FCHO1: variants seen among roughly 807,000 people sequenced by gnomAD.
The protein encoded by FCHO1 is FCH and mu domain containing endocytic adaptor 1, also known as F-BAR domain only protein 1.
A neutral mutation model predicts 114.4 loss-of-function variants in FCHO1; 45 were observed. The ratio of observed to expected loss-of-function variants is 0.39; its 90% CI spans 0.31 to 0.50. FCHO1 has a LOEUF of 0.50. FCHO1 is among the 20% of genes least tolerant of loss of function. FCHO1 has a pLI of 0.77. For synonymous variants in FCHO1, 480 were observed against 488.9 expected (o/e 0.98, Z 0.24); for missense variants, 1,042 against 1,209.6 (o/e 0.86, Z 2.06).
At chr19:17,766,901 C>A in intron 7 of FCHO1, 91 bp downstream of exon 7, 1 of 1,321,408 alleles carries the variant, frequency 7.6e-7, no homozygotes, top group Non-Finnish European at 1.0e-6. Flanking sequence ...TTATAACCTG[C>A]GGATGTCCGC....
chr19:17,765,975 G>A (rs1345963112), intron 6 of FCHO1, among the ~76,000 whole-genome samples: 5 of 127,550 alleles, frequency 3.9e-5, no homozygotes, highest in Non-Finnish European at 6.3e-5. Flanking sequence ...TGCAAGCTCC[G>A]CCTCCTGGGT....
At chr19:17,780,553 G>A (rs1192213470) in intron 20 of FCHO1, among the ~76,000 whole-genome samples, 2 of 152,150 alleles carry the variant, frequency 1.3e-5, no homozygotes, top group Non-Finnish European at 2.9e-5. Context: ...TCACCACCAG[G>A]CAGGAGTGGT....
rs138999727 is a variant in FCHO1 at position 17,764,283 on chromosome 19, C to T, written c.120-92C>T. 1,710 of 1,298,788 alleles carry T rather than the reference C, an allele frequency of 1.3e-3. 11 individuals carry two copies. In the African/African-American group the frequency reaches 0.022, roughly 16 times the overall value. 80.5% of individuals were successfully genotyped at this position (1,298,788 alleles called of 1,614,324 possible). On this transcript the variant is annotated intron_variant, in intron 5 of 28. Coordinates refer to ENST00000596536, the MANE Select transcript of FCHO1 (RefSeq NM_015122.3). Reference sequence around the variant, plus strand: ...CTTGAACTCCTAACCTCAGGTGATCCGTCCGCCTCGGCCTCCCAGAGTGCT... The same window carrying T: ...CTTGAACTCCTAACCTCAGGTGATCTGTCCGCCTCGGCCTCCCAGAGTGCT...
intron 7 of FCHO1, among the ~76,000 whole-genome samples, chr19:17,769,797 C>T (rs1295747663): frequency 6.6e-6 from 1 of 152,146 alleles, no homozygotes; most frequent in African/African-American, 2.4e-5. Flanking sequence ...TCCTGGCTTA[C>T]CTCTTACAAC....
At chr19:17,780,136 C>A (rs976034121) in intron 20 of FCHO1, among the ~76,000 whole-genome samples, 5 of 151,096 alleles carry the variant, frequency 3.3e-5, no homozygotes, top group African/African-American at 1.2e-4. Flanking sequence ...TGGGTGGAGA[C>A]CACAGAGTGG....
intron 20 of FCHO1, 56 bp from the exon 21 acceptor site, chr19:17,781,175 A>C: frequency 7.9e-7 from 1 of 1,268,572 alleles, no homozygotes; most frequent in Non-Finnish European, 1.1e-6. Context: ...GCCCCTGGGG[A>C]GGCCCCAGAG....
rs369971263 is a variant in FCHO1, at chr19:17,770,788, G to T, written c.490-4G>T. 1.5e-5 allele frequency: 25 copies of T among 1,613,924 alleles called. No homozygotes were observed. The highest frequency in any genetic ancestry group is 2.0e-5 in the Non-Finnish European group (24 of 1,180,022). ...CATCCCCGTTTCCTCCCTGTGCTTT[G>T]TAGGCGGAGACTAAAACCAAGAAGG... On this transcript the variant is annotated splice_polypyrimidine_tract_variant and splice_region_variant and intron_variant, in intron 8 of 28. Coordinates refer to ENST00000596536, the MANE Select transcript of FCHO1 (RefSeq NM_015122.3).
chr19:17,749,077 C>A (rs1349603826), upstream of FCHO1, among the ~76,000 whole-genome samples: 1 of 152,168 alleles, frequency 6.6e-6, no homozygotes, highest in African/African-American at 2.4e-5. Flanking sequence ...CATCGCCACC[C>A]TGGTCTCACC....
At position 17,770,440 on chromosome 19, in the gene FCHO1, G is replaced by C. The variant is rs996688356; in HGVS notation, c.352G>C (p.Val118Leu). 3.7e-6 allele frequency: 6 copies of C among 1,612,786 alleles called. No individual in the cohort carries two copies. The highest frequency in any genetic ancestry group is 5.1e-6 in the Non-Finnish European group (6 of 1,179,468). Reference protein sequence around the residue: ...KTHKKCKEEVVSTLDAVQVLS... With the variant: ...KTHKKCKEEVLSTLDAVQVLS... Reference sequence around the variant, plus strand: ...TACCCCGCAGTGCAAGGAGGAAGTGGTGAGCACCTTGGATGCTGTGCAGGT... The same window carrying C: ...TACCCCGCAGTGCAAGGAGGAAGTGCTGAGCACCTTGGATGCTGTGCAGGT... The change falls in exon 8 of 29, where the codon GTG becomes CTG. Residue 118 changes from valine (V) to leucine (L), a missense_variant. Physicochemically the swap from Val to Leu is conservative, Grantham distance 32. Around this residue, in one of 3 missense-constraint regions of FCHO1, gnomAD observed 450 missense variants for 564.1 expected, o/e 0.80. Transcript: ENST00000596536.
chr19:17,778,741 G>T lies in FCHO1; in HGVS notation c.1484G>T (p.Arg495Leu). 1 of 1,540,046 alleles carries T rather than the reference G, an allele frequency of 6.5e-7. No individual in the cohort carries two copies. The highest frequency in any genetic ancestry group is 8.7e-7 in the Non-Finnish European group (1 of 1,147,766). The change falls in exon 20 of 29, where the codon CGC becomes CTC. Residue 495 changes from arginine (R) to leucine (L), a missense_variant. Physicochemically the swap from Arg to Leu is moderately radical, Grantham distance 102. Transcript: ENST00000596536. ...CCCTCCCCAGATTCCTGGGTCCCCC[G>T]CCCAGGCACCCCGCAGAGCCCGCCC... ...PGPSPDSWVP[R>L]PGTPQSPPSC...
At chr19:17,765,533 C>T (rs140953629) in intron 6 of FCHO1, among the ~76,000 whole-genome samples, 2,036 of 151,842 alleles carry the variant, frequency 0.013, 18 homozygotes, top group Non-Finnish European at 0.021. Context: ...ATTAGCCGGG[C>T]ATGGTGGCAT....
upstream of FCHO1, among the ~76,000 whole-genome samples, chr19:17,748,514 G>C (rs1191589995): frequency 6.6e-6 from 1 of 151,538 alleles, no homozygotes; most frequent in Non-Finnish European, 1.5e-5. Flanking sequence ...ACTTGGGGGG[G>C]GGGTCCCTCT....
chr19:17,778,431 T>G, intron 19 of FCHO1, 178 bp from the exon 20 acceptor site: 1 of 812,214 alleles, frequency 1.2e-6, no homozygotes, highest in Admixed American at 2.7e-5. Context: ...ACTGAGTGGA[T>G]GGGCCGGACA....
rs2093572161 is a variant in FCHO1, at chr19:17,783,114, C to T, written c.2035C>T (p.Arg679Trp). ...GTPPPPVLSF[R>W]LVHTTAIEHF... The stretch of plus-strand genomic sequence containing the variant: ...CCCACCACCACCTGTCCTCAGCTTC[C>T]GGCTTGTACACACAACCGCTATTGA... The change falls in exon 24 of 29, where the codon CGG (arginine) becomes TGG (tryptophan). Residue 679 changes from arginine (R) to tryptophan (W), a missense_variant. Around this residue, in one of 3 missense-constraint regions of FCHO1, gnomAD observed 455 missense variants for 455.4 expected, o/e 1.00. Transcript: ENST00000596536. 3 of 1,614,058 alleles carry T rather than the reference C, an allele frequency of 1.9e-6. No individual in the cohort carries two copies. Among genetic ancestry groups the T allele is most frequent in the African/African-American group, 1.3e-5 (1 of 74,916 alleles).
rs113246515 is a variant in FCHO1 at position 17,759,945 on chromosome 19, T to G, written c.28-2817T>G. ...TCTGGTCTCAATTATTTTTCTTACC[T>G]TACTGCATTTGCCAACACCTCTACA... On this transcript the variant is annotated intron_variant, in intron 4 of 28. Coordinates refer to ENST00000596536, the MANE Select transcript of FCHO1 (RefSeq NM_015122.3). Among the ~76,000 whole-genome samples the G allele has an allele frequency of 1.4e-3, 217 of 152,304 alleles. 1 individual carries two copies. Among genetic ancestry groups the G allele is most frequent in the African/African-American group, 4.6e-3 (190 of 41,572 alleles).
rs2093431974 is a variant in FCHO1, at chr19:17,781,751, A to G, written c.1868A>G (p.Gln623Arg). 1 of 1,611,288 alleles carries G rather than the reference A, an allele frequency of 6.2e-7. No homozygotes were observed. Among genetic ancestry groups the G allele is most frequent in the Middle Eastern group, 1.7e-4 (1 of 6,040 alleles). Reference sequence around the variant, plus strand: ...CCGAGCCCTGTGGTCCTGGGCTCCCAGGATGCCCTGCCCATAGCCACAGCC... The same window carrying G: ...CCGAGCCCTGTGGTCCTGGGCTCCCGGGATGCCCTGCCCATAGCCACAGCC... ...RGPSPVVLGS[Q>R]DALPIATAFT... The change falls in exon 23 of 29, where the codon CAG becomes CGG. Residue 623 changes from glutamine to arginine, a missense_variant. Coordinates refer to ENST00000596536, the MANE Select transcript of FCHO1 (RefSeq NM_015122.3).
chr19:17,751,132 G>A (rs1045454187), upstream of FCHO1, among the ~76,000 whole-genome samples: 1 of 152,056 alleles, frequency 6.6e-6, no homozygotes, highest in African/African-American at 2.4e-5. The surrounding 1 kb of genome is among the most constrained non-coding windows in gnomAD (Gnocchi z 4.4). Flanking sequence ...GAGCCACCGC[G>A]CCTGGCCATG....
chr19:17,766,050 G>A (rs551113054), intron 6 of FCHO1, among the ~76,000 whole-genome samples: 9 of 150,914 alleles, frequency 6.0e-5, no homozygotes, highest in East Asian at 2.0e-4. Context: ...CACCACGCCC[G>A]GCTAATTTTT....
chr19:17,760,479 G>A (rs967447908), intron 4 of FCHO1, among the ~76,000 whole-genome samples: 2 of 152,130 alleles, frequency 1.3e-5, no homozygotes, highest in African/African-American at 4.8e-5. Context: ...GCGGCAGAGG[G>A]TCCCAATTTT....
Sources: gnomAD v4.1 joint callset for allele counts (sites outside exome capture counted in the v4.1 genomes callset) on GRCh38, gnomAD v4.1.1 for gene constraint, gnomAD v4.1.1 regional missense constraint, Gnocchi (gnomAD v3.1) non-coding constraint, MANE v1.5 for transcripts, NCBI Gene and HGNC (gene_info 2026-07-23, HGNC 2026-07-21) for gene names.